MYO1E: variants seen among roughly 807,000 people sequenced by gnomAD.
MYO1E encodes myosin IE.
A neutral mutation model predicts 151.1 loss-of-function variants in MYO1E; 68 were observed. That is an observed-to-expected ratio of 0.45 (90% CI 0.37 to 0.55). The LOEUF (loss-of-function observed/expected upper bound fraction) is 0.55. Ranked by LOEUF, MYO1E falls within the 20% of genes least tolerant of loss-of-function variation. The pLI, the probability that MYO1E is intolerant of heterozygous loss-of-function variation, is 0.00. For synonymous variants in MYO1E, 601 were observed against 501.7 expected, an observed-to-expected ratio of 1.20 and a Z score of -2.64; for missense variants, 1,363 against 1,389.3, an observed-to-expected ratio of 0.98 and a Z score of 0.30.
In MYO1E at chr15:59,227,443, A is replaced by T. The variant is rs2079998784; in HGVS notation, c.642+16T>A. The stretch of plus-strand genomic sequence containing the variant: ...AAGGGACAGGAAGTGGGTAGGAAAA[A>T]AGTAAACAGGAAAACCTGGTAAAAT... On this transcript the variant is annotated intron_variant, in intron 7 of 27. Coordinates refer to ENST00000288235, the MANE Select transcript of MYO1E (RefSeq NM_004998.4). 3.1e-6 allele frequency: 5 copies of T among 1,613,910 alleles called. No homozygotes were observed. In the African/African-American group the frequency reaches 6.7e-5, roughly 22 times the overall value.
intron 1 of MYO1E, among the ~76,000 whole-genome samples, chr15:59,287,893 A>T (rs2140394430): frequency 1.3e-5 from 2 of 152,352 alleles, no homozygotes; most frequent in South Asian, 4.1e-4. Flanking sequence ...TGGATCAGAA[A>T]ATGCGTGAAT....
chr15:59,214,203 G>C (rs752325648), intron 12 of MYO1E, 25 bp downstream of exon 12: 3 of 1,556,212 alleles, frequency 1.9e-6, no homozygotes, highest in South Asian at 1.1e-5. Context: ...AAATAGAATA[G>C]GATGAAGGAA....
chr15:59,151,493 A>G (rs1440895806), intron 26 of MYO1E, among the ~76,000 whole-genome samples: 2 of 152,178 alleles, frequency 1.3e-5, no homozygotes, highest in African/African-American at 4.8e-5. Flanking sequence ...AGCCCAAATG[A>G]AGTGAGATAA....
In MYO1E at chr15:59,207,101, A is replaced by C. The variant is rs775580772; in HGVS notation, c.1530+1580T>G. On this transcript the variant is annotated intron_variant, in intron 14 of 27. Transcript: ENST00000288235. ...CCCGTGAGCAAGATGGCGACTGTGA[A>C]GAGTGAGCTTATTGAGCGTTTCACT... 7 of 1,614,124 alleles carry C rather than the reference A, an allele frequency of 4.3e-6. No individual in the cohort carries two copies. The East Asian group carries it at 1.6e-4, about 36-fold the overall frequency.
intron 1 of MYO1E, among the ~76,000 whole-genome samples, chr15:59,274,684 T>C (rs1443981952): frequency 1.3e-5 from 2 of 152,218 alleles, no homozygotes; most frequent in African/African-American, 4.8e-5. Flanking sequence ...CCGAAGAAAC[T>C]GCCTTCCTAG....
At chr15:59,322,548 T>G (rs2080633555) in intron 1 of MYO1E, among the ~76,000 whole-genome samples, 1 of 152,208 alleles carries the variant, frequency 6.6e-6, no homozygotes, top group Non-Finnish European at 1.5e-5. Flanking sequence ...CAAGTGTTTT[T>G]CAAGTTCAAA....
chr15:59,173,945 G>A (rs750324947), intron 20 of MYO1E, 30 bp from the exon 21 acceptor site: 11 of 1,610,592 alleles, frequency 6.8e-6, no homozygotes, highest in Non-Finnish European at 9.3e-6. Flanking sequence ...CAAGATGGAA[G>A]AAGGATAAGT....
At chr15:59,277,575 A>AAAAAAAAACC in intron 1 of MYO1E, among the ~76,000 whole-genome samples, 1 of 62,272 alleles carries the variant, frequency 1.6e-5, no homozygotes, top group African/African-American at 3.9e-5. Flanking sequence ...AAAAAAAAAC[A>AAAAAAAAACC]TCAAAGCCTC....
chr15:59,242,402 G>T (rs961253148), intron 4 of MYO1E, among the ~76,000 whole-genome samples: 1 of 152,134 alleles, frequency 6.6e-6, no homozygotes, highest in African/African-American at 2.4e-5. Context: ...GCTGGAAGGG[G>T]TTCCCACTGG....
chr15:59,331,243 C>T (rs563266730), intron 1 of MYO1E, among the ~76,000 whole-genome samples: 1 of 152,234 alleles, frequency 6.6e-6, no homozygotes, highest in South Asian at 2.1e-4. Flanking sequence ...ATGAGGAAAA[C>T]CTTGAAAGAT....
intron 26 of MYO1E, among the ~76,000 whole-genome samples, chr15:59,145,533 T>G (rs1290984232): frequency 6.6e-6 from 1 of 152,166 alleles, no homozygotes; most frequent in Non-Finnish European, 1.5e-5. Flanking sequence ...ATTACAAGCA[T>G]GTGCCAACAA....
chr15:59,268,720 A>ATTTTGTTTTTTTTTTT (rs2080271394), intron 2 of MYO1E, among the ~76,000 whole-genome samples: 1 of 44,906 alleles, frequency 2.2e-5, no homozygotes, highest in Non-Finnish European at 4.9e-5. Context: ...TGACTTTGGT[A>ATTTTGTTTTTTTTTTT]TTTTTTTTTT....
chr15:59,155,065 G>C (rs1297606558), intron 25 of MYO1E, among the ~76,000 whole-genome samples: 1 of 152,146 alleles, frequency 6.6e-6, no homozygotes, highest in Non-Finnish European at 1.5e-5. Context: ...GGATGGGGAG[G>C]GTAGAAGGAC....
intron 17 of MYO1E, among the ~76,000 whole-genome samples, chr15:59,191,954 C>T (rs776521806): frequency 1.2e-4 from 18 of 152,126 alleles, no homozygotes; most frequent in Admixed American, 2.6e-4. Context: ...GCAACCTTGC[C>T]AGAAGCCAAA....
chr15:59,173,068 C>G (rs2079604961), intron 21 of MYO1E, among the ~76,000 whole-genome samples: 2 of 152,176 alleles, frequency 1.3e-5, no homozygotes, highest in South Asian at 4.1e-4. Flanking sequence ...AAGACTTTAT[C>G]AAAAGGTATC....
chr15:59,138,877 C>T (rs184624883), intron 26 of MYO1E, among the ~76,000 whole-genome samples: 20 of 152,160 alleles, frequency 1.3e-4, no homozygotes, highest in Admixed American at 5.2e-4. Context: ...ATTTGTGGTC[C>T]GACTGTCAAC....
intron 1 of MYO1E, among the ~76,000 whole-genome samples, chr15:59,318,157 T>C (rs546882286): frequency 2.6e-4 from 40 of 152,246 alleles, no homozygotes; most frequent in African/African-American, 9.2e-4. Flanking sequence ...AGAGGGGAAA[T>C]GGAAGATAAA....
chr15:59,169,263 A>C (rs181255932), intron 22 of MYO1E, among the ~76,000 whole-genome samples: 5 of 152,380 alleles, frequency 3.3e-5, no homozygotes, highest in Admixed American at 2.6e-4. Context: ...TCTTAAAAAC[A>C]CATACAGATG....
At chr15:59,176,373 T>G (rs1358032243) in intron 19 of MYO1E, among the ~76,000 whole-genome samples, 1 of 152,110 alleles carries the variant, frequency 6.6e-6, no homozygotes, top group African/African-American at 2.4e-5. Context: ...ATGTGGGTTC[T>G]TAAAGCAAAT....
Sources: gnomAD v4.1 joint callset for allele counts (sites outside exome capture counted in the v4.1 genomes callset) on GRCh38, gnomAD v4.1.1 for gene constraint, MANE v1.5 for transcripts, NCBI Gene and HGNC (gene_info 2026-07-23, HGNC 2026-07-21) for gene names.